Variants in FNBP1L observed in about 807,000 individuals in gnomAD.
FNBP1L encodes formin binding protein 1 like.
FNBP1L carries 36 observed loss-of-function variants against 91.2 expected under a neutral mutation model. That is an observed-to-expected ratio of 0.39 (90% CI 0.30 to 0.52). The LOEUF (loss-of-function observed/expected upper bound fraction) is 0.52, where lower values mean the gene tolerates loss of function less well. FNBP1L is among the 20% of genes least tolerant of loss of function. The pLI, the probability that FNBP1L is intolerant of heterozygous loss-of-function variation, is 0.66. For synonymous variants in FNBP1L, 242 were observed against 237.0 expected (o/e 1.02, Z -0.19); for missense variants, 571 against 732.1 (o/e 0.78, Z 2.54).
chr1:93,470,828 G>A (rs1669258514), intron 1 of FNBP1L, among the ~76,000 whole-genome samples: 1 of 149,000 alleles, frequency 6.7e-6, no homozygotes, highest in Middle Eastern at 3.7e-3. Context: ...AGCAGAGATC[G>A]TGCCACTGCA....
chr1:93,457,778 A>G (rs1177868874), intron 1 of FNBP1L, among the ~76,000 whole-genome samples: 1 of 143,104 alleles, frequency 7.0e-6, no homozygotes, highest in South Asian at 2.1e-4. Context: ...TTTTTATTTC[A>G]TTTATTATTA....
At chr1:93,497,625 A>G (rs1670310612) in intron 1 of FNBP1L, among the ~76,000 whole-genome samples, 1 of 152,124 alleles carries the variant, frequency 6.6e-6, no homozygotes, top group Admixed American at 6.6e-5. Context: ...TTAATAATAT[A>G]TACATATTTT....
rs61754464 is a variant in FNBP1L at position 93,550,963 on chromosome 1, T to G, written c.1668T>G (p.Thr556=). The change falls in exon 16 of 17, where the codon ACT becomes ACG. Residue 556 remains threonine (T), a synonymous_variant. Transcript: ENST00000271234. ...CTCATCTAGGACATAATGAAGGTAC[T>G]CTAGCAATGAAAGAAGGTGAAGTTC... ...IYPFDGHNEG[T]LAMKEGEVLY... 4.4e-4 allele frequency: 708 copies of G among 1,594,996 alleles called. No individual in the cohort carries two copies. The African/African-American group carries it at 8.7e-3, about 20-fold the overall frequency.
At position 93,547,518 on chromosome 1, in the gene FNBP1L, GT is replaced by G. The variant is rs1054303461; in HGVS notation, c.1502+84del. 67 of 1,236,882 alleles carry G rather than the reference GT, an allele frequency of 5.4e-5. No individual in the cohort carries two copies. The African/African-American group carries it at 9.9e-4, about 18-fold the overall frequency. The allele number at this position is 1,236,882 out of a possible 1,614,324, so 76.6% of individuals were successfully genotyped here. A position where few individuals can be genotyped will look rare whatever the true frequency, so the allele number is the denominator to read the frequency against. ...TTTTGTCCTAAACTTTATACAATTCGTTTTTTTCTTCCAAATTTAACAAGTT... is the reference window on the plus strand; with the variant it reads ...TTTTGTCCTAAACTTTATACAATTCGTTTTTTCTTCCAAATTTAACAAGTT... On this transcript the variant is annotated intron_variant, in intron 14 of 16. Transcript: ENST00000271234.
intron 2 of FNBP1L, among the ~76,000 whole-genome samples, chr1:93,518,251 A>G (rs1671199967): frequency 6.6e-6 from 1 of 152,194 alleles, no homozygotes; most frequent in Non-Finnish European, 1.5e-5. Flanking sequence ...ACAAATTTGG[A>G]AACGGCATTC....
intron 1 of FNBP1L, among the ~76,000 whole-genome samples, chr1:93,498,548 C>T (rs1320336103): frequency 1.3e-5 from 2 of 152,046 alleles, no homozygotes; most frequent in East Asian, 1.9e-4. Flanking sequence ...TTGTAAATAA[C>T]GTGACTAAAC....
intron 14 of FNBP1L, 64 bp downstream of exon 14, chr1:93,547,505 C>A: frequency 1.5e-6 from 2 of 1,340,090 alleles, no homozygotes; most frequent in Non-Finnish European, 2.0e-6. Context: ...TTGTCCTAAA[C>A]TTTATACAAT....
intron 1 of FNBP1L, among the ~76,000 whole-genome samples, chr1:93,496,168 T>A (rs1473142498): frequency 6.6e-6 from 1 of 152,070 alleles, no homozygotes; most frequent in Non-Finnish European, 1.5e-5. Flanking sequence ...GAGCATAATC[T>A]GCTTTACTTA....
At chr1:93,493,354 G>C (rs1172045851) in intron 1 of FNBP1L, among the ~76,000 whole-genome samples, 1 of 152,132 alleles carries the variant, frequency 6.6e-6, no homozygotes, top group African/African-American at 2.4e-5. Flanking sequence ...GAGGGGTGAA[G>C]ATTTTTTTAC....
In FNBP1L at chr1:93,499,354, G is replaced by T. The variant is rs1670368791; in HGVS notation, c.25-114G>T. 3 of 691,544 alleles carry T rather than the reference G, an allele frequency of 4.3e-6. No individual in the cohort carries two copies. The Admixed American group carries it at 8.6e-5, about 20-fold the overall frequency. The allele number at this position is 691,544 out of a possible 1,614,324, so 42.8% of individuals were successfully genotyped here. On this transcript the variant is annotated intron_variant, in intron 1 of 16. Coordinates refer to ENST00000271234, the MANE Select transcript of FNBP1L (RefSeq NM_001164473.3). The stretch of plus-strand genomic sequence containing the variant: ...AGTGGGGGAGCTAGTAGAAGAGCCT[G>T]GGTTTTTCCTTTTATACCTCATTGC...
chr1:93,511,442 G>T lies in FNBP1L; in HGVS notation c.141-10640G>T, dbSNP rs550365766. Among the ~76,000 whole-genome samples the T allele has an allele frequency of 9.2e-5, 14 of 152,232 alleles. 1 individual carries two copies. Among genetic ancestry groups the T allele is most frequent in the African/African-American group, 3.1e-4 (13 of 41,528 alleles). On this transcript the variant is annotated intron_variant, in intron 2 of 16. Coordinates refer to ENST00000271234, the MANE Select transcript of FNBP1L (RefSeq NM_001164473.3). ...TCACCACCAGGCCTGCCCTAAAAGA[G>T]CTCCTGAAGGAAGCAATAAACATGG...
Position 93,448,201 on chromosome 1 carries a change from C to T in FNBP1L, c.-81C>T. ...CCCGCTGAGCTGCTAGCCCGCCGGC[C>T]AGCGAGTGAGAGGTCGGACAGACTG... is the stretch of plus-strand genomic sequence containing the variant. On this transcript the variant is annotated 5_prime_UTR_variant, in exon 1 of 17. Transcript: ENST00000271234. 6.7e-7 allele frequency: 1 copy of T among 1,499,244 alleles called. No homozygotes were observed. The highest frequency in any genetic ancestry group is 8.9e-7 in the Non-Finnish European group (1 of 1,118,318). 92.9% of individuals were successfully genotyped at this position (1,499,244 alleles called of 1,614,324 possible). A position where few individuals can be genotyped will look rare whatever the true frequency, so the allele number is the denominator to read the frequency against.
intron 1 of FNBP1L, among the ~76,000 whole-genome samples, chr1:93,455,118 C>T (rs1178121665): frequency 2.0e-5 from 3 of 152,056 alleles, no homozygotes; most frequent in Admixed American, 6.5e-5. Context: ...TTAGTAGAGA[C>T]GGGATTTCCC....
intron 3 of FNBP1L, among the ~76,000 whole-genome samples, chr1:93,522,486 A>G (rs368867687): frequency 4.6e-5 from 7 of 152,016 alleles, no homozygotes; most frequent in African/African-American, 1.4e-4. Context: ...TAGTAAAACA[A>G]TTTGACTGAT....
At position 93,510,936 on chromosome 1, in the gene FNBP1L, G is replaced by C. The variant is rs552084885; in HGVS notation, c.141-11146G>C. Among the ~76,000 whole-genome samples, 148 of 152,174 alleles carry C rather than the reference G, an allele frequency of 9.7e-4. 1 individual carries two copies. Among genetic ancestry groups the C allele is most frequent in the African/African-American group, 3.0e-3 (126 of 41,534 alleles). On this transcript the variant is annotated intron_variant, in intron 2 of 16. Transcript: ENST00000271234. ...AATAAAAAGAAACGAACAAAGCCTC[G>C]AAGAAATATGGGACTATGTGAAAAG...
intron 2 of FNBP1L, among the ~76,000 whole-genome samples, chr1:93,506,381 C>T (rs1221314836): frequency 6.6e-6 from 1 of 152,026 alleles, no homozygotes; most frequent in Non-Finnish European, 1.5e-5. Context: ...CCATACTGGC[C>T]TCAAAGCTGT....
At chr1:93,496,235 C>T (rs1185156527) in intron 1 of FNBP1L, among the ~76,000 whole-genome samples, 1 of 151,458 alleles carries the variant, frequency 6.6e-6, no homozygotes, top group Admixed American at 6.6e-5. Flanking sequence ...TCCCCCTCCC[C>T]ACCTCCCCCT....
chr1:93,504,697 CTG>C (rs1408150876), intron 2 of FNBP1L, among the ~76,000 whole-genome samples: 4 of 152,154 alleles, frequency 2.6e-5, no homozygotes, highest in African/African-American at 9.7e-5. Flanking sequence ...TGTTATCTCC[CTG>C]TGGTTCTGAC....
intron 2 of FNBP1L, among the ~76,000 whole-genome samples, chr1:93,517,586 T>G (rs1671172784): frequency 6.6e-6 from 1 of 152,242 alleles, no homozygotes; most frequent in Admixed American, 6.5e-5. Flanking sequence ...GTTGTTGTAA[T>G]GCAAAAGCAG....
Sources: allele counts gnomAD v4.1 joint callset (sites outside exome capture counted in the v4.1 genomes callset), GRCh38; gene constraint gnomAD v4.1.1; transcripts MANE v1.5; gene names NCBI Gene and HGNC (gene_info 2026-07-23, HGNC 2026-07-21).